AP3S1: variants seen among roughly 807,000 people sequenced by gnomAD.
AP3S1 encodes AP-3 complex subunit sigma-1.
A neutral mutation model predicts 21.3 loss-of-function variants in AP3S1; 12 were observed. That is an observed-to-expected ratio of 0.56 (90% CI 0.36 to 0.91). AP3S1 has a LOEUF of 0.91. Ranked by LOEUF, AP3S1 falls within the 40% of genes least tolerant of loss-of-function variation. The probability of loss-of-function intolerance (pLI) is 0.01; values close to 1 mark genes in which losing one functional copy is unlikely to be tolerated. For missense variants in AP3S1, 116 were observed against 225.0 expected (o/e 0.52, Z 3.10); for synonymous variants, 48 against 78.4 (o/e 0.61, Z 2.05).
intron 3 of AP3S1, among the ~76,000 whole-genome samples, chr5:115,882,108 T>C (rs897040706): frequency 1.3e-5 from 2 of 152,008 alleles, no homozygotes; most frequent in East Asian, 1.9e-4. Context: ...TCTGACCTTT[T>C]ATCAAGGCTC....
intron 1 of AP3S1, among the ~76,000 whole-genome samples, chr5:115,852,215 T>A (rs1762487194): frequency 6.6e-6 from 1 of 152,070 alleles, no homozygotes; most frequent in South Asian, 2.1e-4. Flanking sequence ...AACCCCAGTG[T>A]TTAAATTATA....
intron 1 of AP3S1, among the ~76,000 whole-genome samples, chr5:115,851,805 A>G (rs1762454514): frequency 1.3e-5 from 2 of 152,088 alleles, no homozygotes; most frequent in African/African-American, 4.8e-5. Context: ...GATACACACA[A>G]CTGTTTAATG....
intron 4 of AP3S1, among the ~76,000 whole-genome samples, chr5:115,900,169 A>G (rs1751088015): frequency 1.3e-5 from 2 of 152,238 alleles, no homozygotes. Context: ...GGCACAGTTT[A>G]TATAGGAAAG....
At chr5:115,908,024 G>A (rs1028296670) in intron 5 of AP3S1, among the ~76,000 whole-genome samples, 14 of 152,078 alleles carry the variant, frequency 9.2e-5, no homozygotes, top group Admixed American at 8.5e-4. Context: ...TGATTGTGGT[G>A]ATATCACAAA....
intron 4 of AP3S1, among the ~76,000 whole-genome samples, chr5:115,901,459 G>C (rs1409304524): frequency 6.8e-6 from 1 of 146,620 alleles, no homozygotes; most frequent in Non-Finnish European, 1.5e-5. Context: ...GTTTGGTTTG[G>C]TTGGCTAGGA....
At chr5:115,887,910 A>G (rs1749939795) in intron 3 of AP3S1, among the ~76,000 whole-genome samples, 1 of 152,186 alleles carries the variant, frequency 6.6e-6, no homozygotes, top group South Asian at 2.1e-4. Context: ...AGCATGTTTT[A>G]TAACTAGAAT....
intron 1 of AP3S1, chr5:115,842,555 C>G (rs948749358): frequency 2.5e-5 from 4 of 159,928 alleles, no homozygotes; most frequent in African/African-American, 9.6e-5. Context: ...CGCCCCCCTC[C>G]GCCGACTCCC....
intron 4 of AP3S1, 127 bp from the exon 5 acceptor site, chr5:115,902,758 A>T: frequency 1.7e-6 from 1 of 583,090 alleles, no homozygotes; most frequent in Non-Finnish European, 2.9e-6. Context: ...ATGAGCCCTT[A>T]CTCCAAGTTG....
At chr5:115,911,011 T>C (rs1210352559) in intron 5 of AP3S1, among the ~76,000 whole-genome samples, 1 of 152,152 alleles carries the variant, frequency 6.6e-6, no homozygotes, top group Non-Finnish European at 1.5e-5. Flanking sequence ...TTAGAAGAAT[T>C]GTAGTTTGTT....
At chr5:115,864,152 T>G (rs1453399900) in intron 1 of AP3S1, among the ~76,000 whole-genome samples, 48 of 152,216 alleles carry the variant, frequency 3.2e-4, no homozygotes, top group Admixed American at 3.1e-3. Context: ...TCTATAAAGC[T>G]GCTAATCCCT....
intron 1 of AP3S1, among the ~76,000 whole-genome samples, chr5:115,861,145 G>GA (rs1763148536): frequency 6.6e-6 from 1 of 152,092 alleles, no homozygotes; most frequent in Non-Finnish European, 1.5e-5. Context: ...GAACCATGGA[G>GA]AAAAAAGGGA....
At chr5:115,908,639 A>C (rs1286262506) in intron 5 of AP3S1, among the ~76,000 whole-genome samples, 1 of 152,172 alleles carries the variant, frequency 6.6e-6, no homozygotes, top group Non-Finnish European at 1.5e-5. Context: ...AATCCGTACA[A>C]AATGACTAAT....
intron 1 of AP3S1, among the ~76,000 whole-genome samples, chr5:115,847,275 G>A (rs778119279): frequency 1.2e-4 from 18 of 152,184 alleles, no homozygotes; most frequent in South Asian, 2.1e-4. Context: ...TGGATGGTGG[G>A]TAGGCAAACA....
At chr5:115,892,404 C>T (rs1196897640) in intron 3 of AP3S1, among the ~76,000 whole-genome samples, 1 of 152,122 alleles carries the variant, frequency 6.6e-6, no homozygotes, top group Non-Finnish European at 1.5e-5. Context: ...TTGGAAGCAA[C>T]CTAAGTGTTC....
intron 4 of AP3S1, chr5:115,898,578 T>C (rs1189609960): frequency 6.6e-6 from 1 of 152,152 alleles, no homozygotes; most frequent in African/African-American, 2.4e-5. Context: ...TATGGTGGTT[T>C]GGTGGTGGGG....
chr5:115,844,035 G>A (rs1208391514), intron 1 of AP3S1, among the ~76,000 whole-genome samples: 1 of 152,222 alleles, frequency 6.6e-6, no homozygotes, highest in Non-Finnish European at 1.5e-5. Context: ...TTTATAGGTG[G>A]AGTATGAGAA....
chr5:115,901,942 G>T (rs191682419), intron 4 of AP3S1, among the ~76,000 whole-genome samples: 3 of 151,906 alleles, frequency 2.0e-5, no homozygotes, highest in Non-Finnish European at 4.4e-5. Flanking sequence ...AAAAATTACC[G>T]TATAATACCT....
chr5:115,852,984 A>G (rs1407522786), intron 1 of AP3S1: 1 of 454,962 alleles, frequency 2.2e-6, no homozygotes, highest in South Asian at 1.6e-5. Context: ...TCTAGGGTAT[A>G]TAACTGGGAG....
In AP3S1 at chr5:115,897,680, C is replaced by T. The variant is rs533984178; in HGVS notation, c.345+2522C>T. ...GTTCACTCCATTCTCCTGCCTCAGCCTCCCGAGTAGCTGGGACTACAGGCA... is the reference window on the plus strand; with the variant it reads ...GTTCACTCCATTCTCCTGCCTCAGCTTCCCGAGTAGCTGGGACTACAGGCA... On this transcript the variant is annotated intron_variant, in intron 4 of 5. Transcript: ENST00000316788. 2.0e-5 allele frequency among the ~76,000 whole-genome samples: 3 copies of T among 152,140 alleles called. No individual in the cohort carries two copies. The South Asian group carries it at 6.2e-4, about 32-fold the overall frequency.
Sources: gnomAD v4.1 joint callset for allele counts (sites outside exome capture counted in the v4.1 genomes callset) on GRCh38, gnomAD v4.1.1 for gene constraint, MANE v1.5 for transcripts, NCBI Gene and HGNC (gene_info 2026-07-23, HGNC 2026-07-21) for gene names.